CORIN: variants seen among roughly 807,000 people sequenced by gnomAD.
CORIN encodes the protein atrial natriuretic peptide-converting enzyme.
Under a neutral mutation model 125.3 loss-of-function variants are expected in CORIN, and 117 were observed. The observed-to-expected ratio is 0.93, with a 90% CI of 0.80 to 1.09. The LOEUF is 1.09. CORIN is among the 50% of genes least tolerant of loss of function. The pLI is 0.00. For synonymous variants in CORIN, 450 were observed against 466.4 expected (o/e 0.96, Z 0.45); for missense variants, 1,253 against 1,306.7 (o/e 0.96, Z 0.63).
chr4:47,807,883 C>T (rs61756982), intron 1 of CORIN, among the ~76,000 whole-genome samples: 10 of 152,124 alleles, frequency 6.6e-5, no homozygotes, highest in Non-Finnish European at 1.0e-4. Context: ...AGAAACTCTC[C>T]GAGTCTCCTT....
chr4:47,789,126 C>A (rs1041330234), intron 2 of CORIN, among the ~76,000 whole-genome samples: 1 of 151,846 alleles, frequency 6.6e-6, no homozygotes, highest in Non-Finnish European at 1.5e-5. Flanking sequence ...CGCGTGAAAC[C>A]CCGTCTCTAC....
At chr4:47,618,398 T>C (rs1212574017) in intron 19 of CORIN, among the ~76,000 whole-genome samples, 17 of 148,912 alleles carry the variant, frequency 1.1e-4, no homozygotes, top group Non-Finnish European at 1.9e-4. Flanking sequence ...AAAGGAAAAA[T>C]GTGATCTTGA....
At chr4:47,719,265 G>A (rs1727240400) in intron 5 of CORIN, among the ~76,000 whole-genome samples, 1 of 152,078 alleles carries the variant, frequency 6.6e-6, no homozygotes, top group Admixed American at 6.6e-5. Context: ...TCTTCCCAGT[G>A]AACCACCAAA....
chr4:47,643,650 T>A (rs1221074186), intron 14 of CORIN, among the ~76,000 whole-genome samples: 2 of 152,094 alleles, frequency 1.3e-5, no homozygotes, highest in Non-Finnish European at 2.9e-5. Context: ...AGATGCATAA[T>A]AAGTTTTTTT....
chr4:47,833,351 A>C (rs1224172412), intron 1 of CORIN, among the ~76,000 whole-genome samples: 1 of 152,188 alleles, frequency 6.6e-6, no homozygotes, highest in Non-Finnish European at 1.5e-5. Flanking sequence ...ACATATGCAA[A>C]AGAATAACAT....
At chr4:47,631,219 C>A (rs1049623535) in intron 16 of CORIN, among the ~76,000 whole-genome samples, 2 of 152,134 alleles carry the variant, frequency 1.3e-5, no homozygotes, top group African/African-American at 4.8e-5. Flanking sequence ...TACAGACATT[C>A]CAAATGTCCC....
intron 20 of CORIN, among the ~76,000 whole-genome samples, chr4:47,601,369 T>C (rs1721442973): frequency 1.3e-5 from 2 of 151,450 alleles, no homozygotes; most frequent in Admixed American, 1.3e-4. Flanking sequence ...CAGGCAGTGG[T>C]CACTTGCTTA....
intron 5 of CORIN, among the ~76,000 whole-genome samples, chr4:47,721,274 CTTTT>C (rs1242563708): frequency 7.0e-6 from 1 of 143,572 alleles, no homozygotes. Flanking sequence ...CTCATTTTTT[CTTTT>C]TTTTTTTTTG....
At chr4:47,681,562 C>T (rs544477193) in intron 7 of CORIN, 1 of 152,312 alleles carries the variant, frequency 6.6e-6, no homozygotes, top group East Asian at 1.9e-4. Context: ...AATTATCTCA[C>T]TGGTAAAGGG....
At chr4:47,733,905 A>G (rs1728001544) in intron 5 of CORIN, among the ~76,000 whole-genome samples, 1 of 152,192 alleles carries the variant, frequency 6.6e-6, no homozygotes, top group Admixed American at 6.5e-5. Flanking sequence ...GAGAAGATGA[A>G]TCGAATTTAC....
chr4:47,718,686 G>T (rs572998750), intron 5 of CORIN, among the ~76,000 whole-genome samples: 32 of 152,210 alleles, frequency 2.1e-4, no homozygotes, highest in African/African-American at 7.7e-4. Context: ...CTGTTTTTCA[G>T]TTTTCCTGAA....
At chr4:47,702,009 CTCAAT>C (rs1726315146) in intron 5 of CORIN, among the ~76,000 whole-genome samples, 2 of 152,142 alleles carry the variant, frequency 1.3e-5, no homozygotes, top group Admixed American at 1.3e-4. Context: ...CTATCTGCCT[CTCAAT>C]GAGACAGACA....
intron 11 of CORIN, among the ~76,000 whole-genome samples, chr4:47,663,369 A>T (rs1724336197): frequency 6.6e-6 from 1 of 152,174 alleles, no homozygotes; most frequent in Admixed American, 6.5e-5. Context: ...ACCTAGCAAA[A>T]GCAACTATGT....
At position 47,595,772 on chromosome 4, in the gene CORIN, G is replaced by C; in HGVS notation, c.3078C>G (p.Phe1026Leu). 2 of 1,612,818 alleles carry C rather than the reference G, an allele frequency of 1.2e-6. No homozygotes were observed. The highest frequency in any genetic ancestry group is 4.5e-5 in the East Asian group (2 of 44,864). ...AAATCTGTCTTTTAATCCATTCGAC[G>C]AAATATGACACATTACTATAAACGC... Reference protein sequence around the residue: ...GPGVYSNVSYFVEWIKRQIYI... With the variant: ...GPGVYSNVSYLVEWIKRQIYI... The change falls in exon 22 of 22, where the codon TTC becomes TTG. Residue 1026 changes from phenylalanine (F) to leucine (L), a missense_variant. Transcript: ENST00000273857.
At chr4:47,652,036 A>G (rs1723755352) in intron 13 of CORIN, among the ~76,000 whole-genome samples, 1 of 152,176 alleles carries the variant, frequency 6.6e-6, no homozygotes, top group South Asian at 2.1e-4. Flanking sequence ...TTTAAATTGC[A>G]TCTCAAATAC....
intron 19 of CORIN, among the ~76,000 whole-genome samples, chr4:47,610,599 G>A (rs1257911094): frequency 6.6e-6 from 1 of 152,014 alleles, no homozygotes; most frequent in African/African-American, 2.4e-5. Flanking sequence ...TGTTTAATTA[G>A]ATCCCATTTG....
intron 4 of CORIN, among the ~76,000 whole-genome samples, chr4:47,751,567 C>A (rs1385513568): frequency 1.3e-5 from 2 of 152,296 alleles, no homozygotes; most frequent in East Asian, 3.9e-4. Flanking sequence ...ACCTTGTTTA[C>A]ATGGCAAATT....
At chr4:47,681,777 C>G (rs1725292053) in intron 7 of CORIN, 1 of 152,162 alleles carries the variant, frequency 6.6e-6, no homozygotes, top group African/African-American at 2.4e-5. Flanking sequence ...TATAACCCAG[C>G]AATCCCACTA....
intron 1 of CORIN, among the ~76,000 whole-genome samples, chr4:47,809,709 G>A (rs929359224): frequency 1.2e-4 from 19 of 152,100 alleles, no homozygotes; most frequent in Non-Finnish European, 2.8e-4. Flanking sequence ...CCCAGCCAGA[G>A]AATTGATTGC....
Sources: gnomAD v4.1 joint callset for allele counts (sites outside exome capture counted in the v4.1 genomes callset) on GRCh38, gnomAD v4.1.1 for gene constraint, MANE v1.5 for transcripts, NCBI Gene and HGNC (gene_info 2026-07-23, HGNC 2026-07-21) for gene names.